Variants in SYTL2 observed in about 807,000 individuals in gnomAD.
SYTL2 encodes synaptotagmin-like protein 2.
In SYTL2, 165 loss-of-function variants were observed where a neutral mutation model predicts 198.7. That is an observed-to-expected ratio of 0.83 (90% CI 0.73 to 0.94). The LOEUF is 0.94. Ranked by LOEUF, SYTL2 falls within the 40% of genes least tolerant of loss-of-function variation. SYTL2 has a pLI of 0.00. For synonymous variants in SYTL2, 966 were observed against 917.7 expected, an observed-to-expected ratio of 1.05 and a Z score of -0.95; for missense variants, 2,835 against 2,582.8, an observed-to-expected ratio of 1.10 and a Z score of -2.12.
intron 1 of SYTL2, among the ~76,000 whole-genome samples, chr11:85,789,340 GTATATA>G (rs56956411): frequency 0.17 from 10,514 of 61,352 alleles, 866 homozygotes; most frequent in Middle Eastern, 0.26. Context: ...GTGTGTGTGT[GTATATA>G]TATATATATA....
chr11:85,760,322 A>G (rs1322064991), intron 1 of SYTL2, among the ~76,000 whole-genome samples: 1 of 152,242 alleles, frequency 6.6e-6, no homozygotes, highest in Non-Finnish European at 1.5e-5. Context: ...ATACTCCCGC[A>G]GCAGGAACCT....
At chr11:85,801,397 G>A (rs1199024232) in intron 1 of SYTL2, among the ~76,000 whole-genome samples, 1 of 152,036 alleles carries the variant, frequency 6.6e-6, no homozygotes, top group Non-Finnish European at 1.5e-5. Flanking sequence ...TATATTTTTG[G>A]AACAATTTGG....
chr11:85,800,527 C>T (rs2092870568), intron 1 of SYTL2, among the ~76,000 whole-genome samples: 1 of 152,120 alleles, frequency 6.6e-6, no homozygotes, highest in South Asian at 2.1e-4. Context: ...AATCCTCCCA[C>T]CTCAGCCTCC....
intron 1 of SYTL2, among the ~76,000 whole-genome samples, chr11:85,764,878 G>C (rs2092198072): frequency 6.6e-6 from 1 of 152,202 alleles, no homozygotes; most frequent in Non-Finnish European, 1.5e-5. Flanking sequence ...ATTACTGAAA[G>C]AACCTACATT....
rs764508990 is a variant in SYTL2 at position 85,727,864 on chromosome 11, A to G, written c.1494T>C (p.Ala498=). The G allele has an allele frequency of 5.6e-6, 9 of 1,612,604 alleles. No homozygotes were observed. The highest frequency in any genetic ancestry group is 7.6e-6 in the Non-Finnish European group (9 of 1,179,584). The part of the protein sequence containing the change: ...GKPPPLPALK[A]KTSSRSGPYA... ...ATGGACCAGAACGTGAAGATGTCTT[A>G]GCTTTTAGAGCCGGGAGAGGAGGGG... The change falls in exon 8 of 20, where the codon GCT becomes GCC. Residue 498 remains alanine (A), a synonymous_variant. Coordinates refer to ENST00000359152, the MANE Select transcript of SYTL2 (RefSeq NM_206927.4).
the SYTL2 span, among the ~76,000 whole-genome samples, chr11:85,844,014 A>G: frequency 6.6e-6 from 1 of 152,182 alleles, no homozygotes; most frequent in South Asian, 2.1e-4. Context: ...GTAGTTCCCA[A>G]AGTCAGGGGC....
At chr11:85,838,356 T>C in the SYTL2 span, among the ~76,000 whole-genome samples, 59 of 152,306 alleles carry the variant, frequency 3.9e-4, no homozygotes, top group Middle Eastern at 3.4e-3. Flanking sequence ...TCTGGAGATA[T>C]AGATATGGAT....
the SYTL2 span, among the ~76,000 whole-genome samples, chr11:85,816,786 T>G: frequency 6.6e-6 from 1 of 152,030 alleles, no homozygotes; most frequent in Non-Finnish European, 1.5e-5. Flanking sequence ...TGGTGGCACA[T>G]GCCTGTGGTC....
chr11:85,846,140 G>A, the SYTL2 span, among the ~76,000 whole-genome samples: 1 of 152,160 alleles, frequency 6.6e-6, no homozygotes, highest in East Asian at 1.9e-4. Context: ...AGCTAGAATG[G>A]TGGACCACAG....
Position 85,726,910 on chromosome 11 carries a change from T to C in SYTL2, c.2448A>G (p.Ser816=). 1 of 1,536,576 alleles carries C rather than the reference T, an allele frequency of 6.5e-7. No homozygotes were observed. Among genetic ancestry groups the C allele is most frequent in the South Asian group, 1.2e-5 (1 of 83,992 alleles). Reference sequence around the variant, plus strand: ...TAGCAGAAGGTTGTTCCTGGCTACATGAAGATGTGGGTTTTTCATGAGTTA... The same window carrying C: ...TAGCAGAAGGTTGTTCCTGGCTACACGAAGATGTGGGTTTTTCATGAGTTA... ...AKITHEKPTS[S]CSQEQPSAKA... Residue 816 remains serine, a synonymous_variant, in exon 8 of 20, where the codon TCA becomes TCG. Coordinates refer to ENST00000359152, the MANE Select transcript of SYTL2 (RefSeq NM_206927.4).
At chr11:85,751,819 T>G (rs1015017603) in intron 2 of SYTL2, among the ~76,000 whole-genome samples, 4 of 152,236 alleles carry the variant, frequency 2.6e-5, no homozygotes, top group African/African-American at 9.6e-5. Context: ...AGATGGCCAT[T>G]TTACCTCTTC....
intron 9 of SYTL2, chr11:85,719,063 C>A (rs2087848229): frequency 1.3e-6 from 2 of 1,510,026 alleles, no homozygotes; most frequent in Non-Finnish European, 1.8e-6. Flanking sequence ...CAGCTCACAT[C>A]ACTGCTGCAC....
chr11:85,752,893 T>C (rs2091601606), intron 2 of SYTL2, among the ~76,000 whole-genome samples: 1 of 116,522 alleles, frequency 8.6e-6, no homozygotes, highest in Non-Finnish European at 1.6e-5. Context: ...TGGAAATTAG[T>C]CCTTCAATGA....
At chr11:85,723,497 G>A (rs910220764) in intron 8 of SYTL2, among the ~76,000 whole-genome samples, 5 of 152,218 alleles carry the variant, frequency 3.3e-5, no homozygotes, top group East Asian at 1.9e-4. Flanking sequence ...TATTGCTCCC[G>A]AATGGGAAAT....
At chr11:85,701,844 A>G (rs2084343689) in intron 16 of SYTL2, among the ~76,000 whole-genome samples, 1 of 152,224 alleles carries the variant, frequency 6.6e-6, no homozygotes, top group Non-Finnish European at 1.5e-5. Context: ...TGAAAGTGCT[A>G]AAGAATTATT....
upstream of SYTL2, among the ~76,000 whole-genome samples, chr11:85,811,501 G>C (rs1680980344): frequency 6.6e-6 from 1 of 152,164 alleles, no homozygotes. Flanking sequence ...GGAGCACTAG[G>C]AGCCTCTGCA....
chr11:85,843,743 T>C, the SYTL2 span, among the ~76,000 whole-genome samples: 19 of 152,204 alleles, frequency 1.2e-4, no homozygotes, highest in Non-Finnish European at 5.9e-5. Flanking sequence ...AGAATTAACA[T>C]TTATTGAGAA....
At chr11:85,771,271 A>G (rs1277033252) in intron 1 of SYTL2, among the ~76,000 whole-genome samples, 2 of 152,196 alleles carry the variant, frequency 1.3e-5, no homozygotes, top group African/African-American at 4.8e-5. Context: ...GCAGGGGAGA[A>G]GCACACTGGA....
Position 85,707,386 on chromosome 11 carries a change from G to A in SYTL2, c.6018+43C>T, listed in dbSNP as rs756163516. The A allele has an allele frequency of 1.8e-5, 24 of 1,353,544 alleles. No homozygotes were observed. The Admixed American group carries it at 4.1e-4, about 23-fold the overall frequency. 83.8% of individuals were successfully genotyped at this position (1,353,544 alleles called of 1,614,324 possible). On this transcript the variant is annotated intron_variant, in intron 15 of 19. Transcript: ENST00000359152. ...CTACCCAAAGAAGACATGGTAAACAGGTCACCATCTAGGATTTTCCTATAG... is the reference window on the plus strand; with the variant it reads ...CTACCCAAAGAAGACATGGTAAACAAGTCACCATCTAGGATTTTCCTATAG...
Sources: gnomAD v4.1 joint callset for allele counts (sites outside exome capture counted in the v4.1 genomes callset) on GRCh38, gnomAD v4.1.1 for gene constraint, MANE v1.5 for transcripts, NCBI Gene and HGNC (gene_info 2026-07-23, HGNC 2026-07-21) for gene names.